Variants in CIMIP6 observed in about 807,000 individuals in gnomAD.
CIMIP6 encodes the protein ciliary microtubule inner protein 6.
chr2:54,337,839 G>A, the CIMIP6 span, among the ~76,000 whole-genome samples: 7 of 152,252 alleles, frequency 4.6e-5, no homozygotes, highest in African/African-American at 1.7e-4. Context: ...ATATGAATGA[G>A]GAGAGTTACA....
the CIMIP6 span, among the ~76,000 whole-genome samples, chr2:54,371,447 G>C: frequency 6.6e-6 from 1 of 152,188 alleles, no homozygotes; most frequent in Non-Finnish European, 1.5e-5. Context: ...CCTGGCTTCT[G>C]TTCTGGTGCG....
chr2:54,371,271 A>G, the CIMIP6 span, among the ~76,000 whole-genome samples: 1 of 152,222 alleles, frequency 6.6e-6, no homozygotes, highest in South Asian at 2.1e-4. Flanking sequence ...TGCAGAGCTC[A>G]GTCATAGAGG....
chr2:54,376,261 C>T, the CIMIP6 span, among the ~76,000 whole-genome samples: 3 of 151,590 alleles, frequency 2.0e-5, no homozygotes, highest in African/African-American at 4.9e-5. Context: ...CCGAGCTGGT[C>T]TGCAACCCTC....
chr2:54,353,650 G>A, the CIMIP6 span, among the ~76,000 whole-genome samples: 3 of 152,018 alleles, frequency 2.0e-5, no homozygotes, highest in Non-Finnish European at 4.4e-5. Context: ...CATGCCTTTC[G>A]TTAATCTCCA....
chr2:54,344,272 C>A, the CIMIP6 span, among the ~76,000 whole-genome samples: 1 of 152,160 alleles, frequency 6.6e-6, no homozygotes, highest in Admixed American at 6.6e-5. Flanking sequence ...GTTTCCACTT[C>A]TGGTTCAGGA....
the CIMIP6 span, among the ~76,000 whole-genome samples, chr2:54,342,362 T>C: frequency 1.3e-5 from 2 of 152,184 alleles, no homozygotes; most frequent in African/African-American, 2.4e-5. Flanking sequence ...TTTGGGGCTG[T>C]AGGATTTCAC....
the CIMIP6 span, among the ~76,000 whole-genome samples, chr2:54,332,213 A>G: frequency 3.3e-5 from 5 of 152,154 alleles, no homozygotes; most frequent in Admixed American, 1.3e-4. Context: ...CACCTTCACA[A>G]TGCAGCCTCC....
At chr2:54,334,722 G>A in the CIMIP6 span, 2 of 872,906 alleles carry the variant, frequency 2.3e-6, no homozygotes, top group Non-Finnish European at 3.5e-6. Context: ...TGTCTTGACT[G>A]CTGTTTGTAG....
the CIMIP6 span, chr2:54,360,539 C>T: frequency 4.3e-5 from 64 of 1,501,158 alleles, no homozygotes; most frequent in Non-Finnish European, 5.2e-5. Context: ...GCCTTTAAAT[C>T]CACCAATTAA....
the CIMIP6 span, among the ~76,000 whole-genome samples, chr2:54,345,553 A>G: frequency 2.0e-4 from 31 of 152,202 alleles, 6 homozygotes; most frequent in Admixed American, 2.0e-3. Context: ...AATATAGTCA[A>G]TATGCCAGAG....
the CIMIP6 span, among the ~76,000 whole-genome samples, chr2:54,380,999 G>A: frequency 2.6e-5 from 4 of 152,140 alleles, no homozygotes; most frequent in African/African-American, 9.7e-5. Flanking sequence ...TTTTGTGGCT[G>A]AATGACTGTA....
At chr2:54,346,404 C>G in the CIMIP6 span, among the ~76,000 whole-genome samples, 1 of 152,182 alleles carries the variant, frequency 6.6e-6, no homozygotes, top group African/African-American at 2.4e-5. Context: ...AACCAAATTT[C>G]TCTAACCCTG....
chr2:54,368,929 T>C, the CIMIP6 span, among the ~76,000 whole-genome samples: 2 of 152,182 alleles, frequency 1.3e-5, no homozygotes, highest in Non-Finnish European at 2.9e-5. Flanking sequence ...AATCTGATTC[T>C]TTTACTGTAA....
the CIMIP6 span, among the ~76,000 whole-genome samples, chr2:54,348,887 A>G: frequency 6.6e-6 from 1 of 152,172 alleles, no homozygotes; most frequent in Non-Finnish European, 1.5e-5. Context: ...AGTGCTCTTT[A>G]TGTCTTCTAC....
At chr2:54,374,284 T>C in the CIMIP6 span, among the ~76,000 whole-genome samples, 4 of 152,246 alleles carry the variant, frequency 2.6e-5, no homozygotes, top group Non-Finnish European at 5.9e-5. Context: ...TTTTTTCTTT[T>C]CTTTTGTTCT....
chr2:54,369,564 T>G, the CIMIP6 span, among the ~76,000 whole-genome samples: 1 of 152,240 alleles, frequency 6.6e-6, no homozygotes, highest in Non-Finnish European at 1.5e-5. Flanking sequence ...ACAGTTTCAT[T>G]ATCTCTTCAC....
At chr2:54,357,440 A>C in the CIMIP6 span, among the ~76,000 whole-genome samples, 1 of 152,194 alleles carries the variant, frequency 6.6e-6, no homozygotes, top group African/African-American at 2.4e-5. Context: ...ACAAAAAGAT[A>C]TACAGTGAAA....
At chr2:54,331,104 C>A in the CIMIP6 span, 1 of 1,126,406 alleles carries the variant, frequency 8.9e-7, no homozygotes, top group South Asian at 1.4e-5. Flanking sequence ...CAAGCTCAGA[C>A]AGCCCCCTTG....
chr2:54,361,359 A>G, the CIMIP6 span: 4 of 152,218 alleles, frequency 2.6e-5, no homozygotes, highest in Non-Finnish European at 2.9e-5. Context: ...GATTAATTCT[A>G]CTTCCAATTT....
Sources: allele counts gnomAD v4.1 joint callset (sites outside exome capture counted in the v4.1 genomes callset), GRCh38; gene constraint gnomAD v4.1.1; transcripts MANE v1.5; gene names NCBI Gene and HGNC (gene_info 2026-07-23, HGNC 2026-07-21).